The following FAR2 variants were observed in gnomAD, a reference collection of about 807,000 sequenced individuals.
FAR2 encodes fatty acyl-CoA reductase 2, also known as epididymis secretory protein Li 81.
In FAR2, 19 loss-of-function variants were observed where a neutral mutation model predicts 56.0. The observed-to-expected ratio is 0.34, with a 90% CI of 0.24 to 0.50. FAR2 has a LOEUF of 0.50. Among genes scored for constraint, FAR2 ranks in the 20% least tolerant of loss-of-function variants. The probability of loss-of-function intolerance (pLI) is 0.98; values close to 1 mark genes in which losing one functional copy is unlikely to be tolerated. For synonymous variants in FAR2, 219 were observed against 218.8 expected (o/e 1.00, Z -0.01); for missense variants, 508 against 642.2 (o/e 0.79, Z 2.26).
chr12:29,194,935 C>A (rs10771494), intron 1 of FAR2, among the ~76,000 whole-genome samples: 112,139 of 152,024 alleles, frequency 0.74, 43,413 homozygotes, highest in East Asian at 0.91. Flanking sequence ...GGAATTGAAG[C>A]AAAGTATGGT....
chr12:29,294,879 T>A (rs1023193385), intron 3 of FAR2, among the ~76,000 whole-genome samples: 12 of 152,162 alleles, frequency 7.9e-5, no homozygotes, highest in Non-Finnish European at 1.3e-4. Context: ...TTTATTTTTT[T>A]TTTCTGCCAC....
At chr12:29,323,779 A>C (rs1949595269) in intron 10 of FAR2, among the ~76,000 whole-genome samples, 1 of 152,198 alleles carries the variant, frequency 6.6e-6, no homozygotes, top group Admixed American at 6.5e-5. Context: ...AAGGTAGATA[A>C]AACCACAAAG....
chr12:29,229,181 ATTC>A (rs1448949830), intron 1 of FAR2, among the ~76,000 whole-genome samples: 3 of 152,304 alleles, frequency 2.0e-5, no homozygotes, highest in Middle Eastern at 3.4e-3. Flanking sequence ...TCTCCTTTTA[ATTC>A]TTCTAAGGAT....
intron 1 of FAR2, among the ~76,000 whole-genome samples, chr12:29,187,101 A>G (rs1000420350): frequency 1.6e-4 from 25 of 152,152 alleles, no homozygotes; most frequent in African/African-American, 6.0e-4. Flanking sequence ...CTTAGTTCTT[A>G]TAACTGTTCT....
chr12:29,327,557 T>TA (rs1197417208), intron 10 of FAR2, among the ~76,000 whole-genome samples: 4 of 152,088 alleles, frequency 2.6e-5, no homozygotes, highest in Non-Finnish European at 4.4e-5. Flanking sequence ...AAAACAGAGA[T>TA]AGAGACCAAT....
At chr12:29,333,469 T>G (rs1949759671) in intron 11 of FAR2, 163 bp from the exon 12 acceptor site, 1 of 622,510 alleles carries the variant, frequency 1.6e-6, no homozygotes, top group East Asian at 2.6e-5. Flanking sequence ...AAGAATGCTG[T>G]GGAAATGAAA....
chr12:29,322,981 G>A (rs7312164), intron 10 of FAR2, among the ~76,000 whole-genome samples: 45,734 of 152,122 alleles, frequency 0.3, 6,998 homozygotes, highest in East Asian at 0.35. Flanking sequence ...AGATGAACCC[G>A]GTACCTCAGT....
At chr12:29,256,233 G>C (rs1187482839) in intron 1 of FAR2, among the ~76,000 whole-genome samples, 1 of 152,020 alleles carries the variant, frequency 6.6e-6, no homozygotes, top group Non-Finnish European at 1.5e-5. Context: ...TGTCACCCAG[G>C]CTAGAGGGCA....
chr12:29,162,600 A>G (rs1949791554), intron 1 of FAR2, among the ~76,000 whole-genome samples: 1 of 152,236 alleles, frequency 6.6e-6, no homozygotes, highest in African/African-American at 2.4e-5. Context: ...ATCAAAGTAT[A>G]CAATTTAAAA....
intron 1 of FAR2, among the ~76,000 whole-genome samples, chr12:29,267,879 G>A (rs571820729): frequency 1.3e-5 from 2 of 152,298 alleles, no homozygotes; most frequent in East Asian, 3.9e-4. Flanking sequence ...ATGTGCAGCA[G>A]TCTATGATCT....
intron 1 of FAR2, among the ~76,000 whole-genome samples, chr12:29,262,926 C>T (rs750566209): frequency 2.6e-5 from 4 of 151,978 alleles, no homozygotes; most frequent in Non-Finnish European, 5.9e-5. Context: ...TAAAGATACA[C>T]ATAAACTGAA....
At chr12:29,254,595 C>T (rs896342019) in intron 1 of FAR2, among the ~76,000 whole-genome samples, 1 of 152,246 alleles carries the variant, frequency 6.6e-6, no homozygotes, top group Non-Finnish European at 1.5e-5. Context: ...AAACCAAGAA[C>T]TAAGATCACA....
At chr12:29,267,849 T>C (rs146103353) in intron 1 of FAR2, among the ~76,000 whole-genome samples, 2 of 152,350 alleles carry the variant, frequency 1.3e-5, no homozygotes, top group Non-Finnish European at 2.9e-5. Context: ...CATTGACCCC[T>C]GTTTTACTTA....
intron 1 of FAR2, among the ~76,000 whole-genome samples, chr12:29,188,616 T>G (rs1352393452): frequency 6.6e-6 from 1 of 152,174 alleles, no homozygotes; most frequent in Non-Finnish European, 1.5e-5. Flanking sequence ...CAAGGCTTTA[T>G]TTGAATTTCA....
In FAR2 at chr12:29,270,527, G is replaced by T. The variant is rs2216854; in HGVS notation, c.78G>T (p.Leu26=). 5.0e-6 allele frequency: 8 copies of T among 1,613,344 alleles called. No individual in the cohort carries two copies. The highest frequency in any genetic ancestry group is 1.3e-5 in the African/African-American group (1 of 74,812). Residue 26 remains leucine, a synonymous_variant, in exon 2 of 12, where the codon CTG becomes CTT. Transcript: ENST00000536681. ...TGATGFLGKV[L]MEKLFRTSPD... is the part of the protein sequence containing the mutation. Reference sequence around the variant, plus strand: ...CCACAGGCTTTCTGGGCAAAGTGCTGATGGAGAAGCTGTTTCGCACCAGCC... The same window carrying T: ...CCACAGGCTTTCTGGGCAAAGTGCTTATGGAGAAGCTGTTTCGCACCAGCC...
At chr12:29,260,541 T>C (rs12817825) in intron 1 of FAR2, among the ~76,000 whole-genome samples, 18,284 of 152,206 alleles carry the variant, frequency 0.12, 1,268 homozygotes, top group Middle Eastern at 0.24. Context: ...AGAGCTGTGC[T>C]GGCTTCAGGT....
chr12:29,177,201 A>G (rs1337896268), intron 1 of FAR2, among the ~76,000 whole-genome samples: 1 of 152,196 alleles, frequency 6.6e-6, no homozygotes, highest in Non-Finnish European at 1.5e-5. Context: ...GCCTTCAAAC[A>G]AACACCCAGA....
intron 1 of FAR2, among the ~76,000 whole-genome samples, chr12:29,259,452 G>C (rs1014261588): frequency 6.6e-6 from 1 of 152,114 alleles, no homozygotes; most frequent in Admixed American, 6.5e-5. Context: ...GAAGACATTT[G>C]GATAAATTTG....
intron 10 of FAR2, among the ~76,000 whole-genome samples, chr12:29,322,597 G>C (rs1949570980): frequency 6.6e-6 from 1 of 152,086 alleles, no homozygotes; most frequent in African/African-American, 2.4e-5. Context: ...TAAAATCTTT[G>C]CATATTCTGA....
Sources: allele counts gnomAD v4.1 joint callset (sites outside exome capture counted in the v4.1 genomes callset), GRCh38; gene constraint gnomAD v4.1.1; transcripts MANE v1.5; gene names NCBI Gene and HGNC (gene_info 2026-07-23, HGNC 2026-07-21).